Variants in HLA-DOA observed in about 807,000 individuals in gnomAD.
HLA-DOA encodes major histocompatibility complex, class II, DO alpha, also known as HLA class II histocompatibility antigen, DO alpha chain.
In HLA-DOA, 27 loss-of-function variants were observed where a neutral mutation model predicts 22.9. That is an observed-to-expected ratio of 1.18 (90% CI 0.87 to 1.62). HLA-DOA has a LOEUF of 1.62. Ranked by LOEUF, HLA-DOA falls within the 40% of genes most tolerant of loss-of-function variation. HLA-DOA has a pLI of 0.00. For synonymous variants in HLA-DOA, 137 were observed against 138.6 expected (o/e 0.99, Z 0.08); for missense variants, 324 against 332.4 (o/e 0.97, Z 0.20).
Position 33,006,489 on chromosome 6 carries a change from G to A in HLA-DOA, c.*349C>T. On this transcript the variant is annotated 3_prime_UTR_variant, in exon 5 of 5. Transcript: ENST00000229829. The stretch of plus-strand genomic sequence containing the variant: ...CAAGACACACCTGTGTGGGCCCCAG[G>A]ATGGCTGCCAATCCCCAGCACCACA... 4.0e-6 allele frequency: 2 copies of A among 505,908 alleles called. No homozygotes were observed. The highest frequency in any genetic ancestry group is 7.1e-6 in the Non-Finnish European group (2 of 280,002). The allele number at this position is 505,908 out of a possible 1,614,324, so 31.3% of individuals were successfully genotyped here.
At position 33,007,136 on chromosome 6, in the gene HLA-DOA, G is replaced by C; in HGVS notation, c.693C>G (p.Gly231=). The C allele has an allele frequency of 6.2e-7, 1 of 1,613,924 alleles. No homozygotes were observed. The highest frequency in any genetic ancestry group is 8.5e-7 in the Non-Finnish European group (1 of 1,180,030). ...CALGLAIGLV[G]FLVGTVLIIM... The stretch of plus-strand genomic sequence containing the variant: ...TGATGAGGACGGTGCCCACGAGGAA[G>C]CCCACCAGGCCGATGGCCAGGCCCA... The change falls in exon 4 of 5, where the codon GGC becomes GGG. Residue 231 remains glycine (G), a synonymous_variant. Transcript: ENST00000229829.
At chr6:33,007,881 G>C in intron 2 of HLA-DOA, 132 bp downstream of exon 2, 1 of 1,272,810 alleles carries the variant, frequency 7.9e-7, no homozygotes, top group Non-Finnish European at 1.1e-6. Flanking sequence ...GAGCCTCCTG[G>C]GAAAGAAAGG....
In HLA-DOA at chr6:33,008,206, G is replaced by A. The variant is rs777513080; in HGVS notation, c.138C>T (p.Gly46=). ...CCTCATCAAATTCATGGGTGAACTG[G>A]CCCGAGGCGCCGTAAGACTGGTAGA... is the stretch of plus-strand genomic sequence containing the variant. The part of the protein sequence containing the change: ...PAFYQSYGAS[G]QFTHEFDEEQ... The change falls in exon 2 of 5, where the codon GGC becomes GGT. Residue 46 remains glycine, a synonymous_variant. Transcript: ENST00000229829. The A allele has an allele frequency of 1.9e-6, 3 of 1,613,082 alleles. No individual in the cohort carries two copies. The highest frequency in any genetic ancestry group is 1.1e-5 in the South Asian group (1 of 91,086).
rs1336764914 is a variant in HLA-DOA, at chr6:33,009,487, A to G, written c.50T>C (p.Leu17Pro). The stretch of plus-strand genomic sequence containing the variant: ...GGCCCCTGCCTCCTGCGGGCTCAGG[A>G]GGGTCATCAGGGTGTGGAACCCCAG... ...LVLGFHTLMT[L>P]LSPQEAGATK... Residue 17 changes from leucine to proline, a missense_variant, in exon 1 of 5, where the codon CTC becomes CCC. By Grantham distance (98) the Leu-to-Pro change is moderately conservative. Transcript: ENST00000229829. The surrounding 1 kb of genome is among the most constrained non-coding windows in gnomAD (Gnocchi z 4.8). The G allele has an allele frequency of 1.9e-6, 3 of 1,605,908 alleles. No individual in the cohort carries two copies. The highest frequency in any genetic ancestry group is 2.2e-5 in the South Asian group (2 of 89,656).
rs1374574072 is a variant in HLA-DOA, at chr6:33,007,476, T to G, written c.448A>C (p.Asn150His). 1.9e-6 allele frequency: 3 copies of G among 1,612,624 alleles called. No homozygotes were observed. Among genetic ancestry groups the G allele is most frequent in the Non-Finnish European group, 2.5e-6 (3 of 1,179,824 alleles). Residue 150 changes from asparagine (N) to histidine (H), a missense_variant, in exon 3 of 5, where the codon AAC becomes CAC. Coordinates refer to ENST00000229829, the MANE Select transcript of HLA-DOA (RefSeq NM_002119.4). Reference sequence around the variant, plus strand: ...ACTCCCTCAGTGACAGTTTGGCCGTTGCGCAGCCAGGTGATATTGATCACA... The same window carrying G: ...ACTCCCTCAGTGACAGTTTGGCCGTGGCGCAGCCAGGTGATATTGATCACA... ...PPVINITWLR[N>H]GQTVTEGVAQ... is the part of the protein sequence containing the mutation.
chr6:33,008,593 T>G (rs1297099076), intron 1 of HLA-DOA, among the ~76,000 whole-genome samples: 1 of 152,086 alleles, frequency 6.6e-6, no homozygotes, highest in Admixed American at 6.6e-5. Flanking sequence ...TCAGGCCCTG[T>G]GTTGTGAGCT....
Position 33,007,546 on chromosome 6 carries a change from G to A in HLA-DOA, c.378C>T (p.Gly126=). The change falls in exon 3 of 5, where the codon GGC becomes GGT. Residue 126 remains glycine, a synonymous_variant. Transcript: ENST00000229829. ...CGATGCAGATGAGGATGTTGGGCTG[G>A]CCCAGCTCCACCCGAGACTTGGGGA... The part of the protein sequence containing the change: ...TVLPKSRVEL[G]QPNILICIVD... 6.2e-7 allele frequency: 1 copy of A among 1,612,928 alleles called. No homozygotes were observed. Among genetic ancestry groups the A allele is most frequent in the South Asian group, 1.1e-5 (1 of 91,070 alleles).
At position 33,009,373 on chromosome 6, in the gene HLA-DOA, G is replaced by T; in HGVS notation, c.82+82C>A. 1 of 955,134 alleles carries T rather than the reference G, an allele frequency of 1.0e-6. No individual in the cohort carries two copies. The highest frequency in any genetic ancestry group is 1.5e-6 in the Non-Finnish European group (1 of 665,986). The allele number at this position is 955,134 out of a possible 1,614,324, so 59.2% of individuals were successfully genotyped here. ...ATAAACCAGAGAGCGAGAGGAACAA[G>T]CATCCTCCATGCCACCTCCTCATGT... On this transcript the variant is annotated intron_variant, in intron 1 of 4. Coordinates refer to ENST00000229829, the MANE Select transcript of HLA-DOA (RefSeq NM_002119.4). This position sits in a 1 kb window ranked among gnomAD's most constrained non-coding sequence, Gnocchi z 4.8.
chr6:33,009,583 G>T lies in HLA-DOA; in HGVS notation c.-47C>A. ...AATCAGTCTCAGTCCGTGTGGTGAG[G>T]ACAGGAACAAGGCGGAGGTAAAGAA... On this transcript the variant is annotated 5_prime_UTR_variant, in exon 1 of 5. Coordinates refer to ENST00000229829, the MANE Select transcript of HLA-DOA (RefSeq NM_002119.4). The surrounding 1 kb of genome is among the most constrained non-coding windows in gnomAD (Gnocchi z 4.8). The T allele has an allele frequency of 7.0e-7, 1 of 1,425,714 alleles. No individual in the cohort carries two copies. The highest frequency in any genetic ancestry group is 9.5e-7 in the Non-Finnish European group (1 of 1,052,620). 88.3% of individuals were successfully genotyped at this position (1,425,714 alleles called of 1,614,324 possible). A position where few individuals can be genotyped will look rare whatever the true frequency, so the allele number is the denominator to read the frequency against.
At chr6:33,008,901 TTAAG>T (rs778836491) in intron 1 of HLA-DOA, among the ~76,000 whole-genome samples, 25 of 152,238 alleles carry the variant, frequency 1.6e-4, no homozygotes, top group Non-Finnish European at 3.1e-4. Flanking sequence ...AAGTTAGGGA[TTAAG>T]TTTTAATTCT....
At chr6:33,006,970 T>C (rs1780834362) in intron 4 of HLA-DOA, 110 bp downstream of exon 4, 1 of 1,503,384 alleles carries the variant, frequency 6.7e-7, no homozygotes, top group Non-Finnish European at 9.2e-7. Flanking sequence ...CCCTGCCCAT[T>C]TCTTTTCTGA....
rs770125285 is a variant in HLA-DOA at position 33,007,314 on chromosome 6, A to G, written c.610T>C (p.Trp204Arg). ...WGLDAPLLRH[W>R]ELQVPIPPPD... Reference sequence around the variant, plus strand: ...GCATGGGGAGGGGGCTCCGTACCCCAATGCCTGAGGAGTGGCGCATCCAGG... The same window carrying G: ...GCATGGGGAGGGGGCTCCGTACCCCGATGCCTGAGGAGTGGCGCATCCAGG... The change falls in exon 3 of 5, where the codon TGG (tryptophan) becomes CGG (arginine). Residue 204 changes from tryptophan (W) to arginine (R), a missense_variant. Trp to Arg is a moderately radical substitution (Grantham distance 101). Transcript: ENST00000229829. 1.2e-6 allele frequency: 2 copies of G among 1,612,916 alleles called. No homozygotes were observed. Among genetic ancestry groups the G allele is most frequent in the Non-Finnish European group, 1.7e-6 (2 of 1,179,926 alleles).
chr6:33,008,427 G>A, intron 1 of HLA-DOA, 166 bp from the exon 2 acceptor site: 1 of 1,431,880 alleles, frequency 7.0e-7, no homozygotes, highest in Non-Finnish European at 9.1e-7. Context: ...AAGGGAGAGA[G>A]AACAGGAAGA....
chr6:33,007,184 G>T lies in HLA-DOA; in HGVS notation c.645C>A (p.Ala215=), dbSNP rs1480217069. The T allele has an allele frequency of 6.2e-7, 1 of 1,613,872 alleles. No homozygotes were observed. ...CCAGGGCACAGACCAGGGTCTCCATGGCATCTGGTGGTGGAATAGGCACCT... is the reference window on the plus strand; with the variant it reads ...CCAGGGCACAGACCAGGGTCTCCATTGCATCTGGTGGTGGAATAGGCACCT... ...ELQVPIPPPD[A]METLVCALGL... The change falls in exon 4 of 5, where the codon GCC becomes GCA. Residue 215 remains alanine, a synonymous_variant. Coordinates refer to ENST00000229829, the MANE Select transcript of HLA-DOA (RefSeq NM_002119.4).
At position 33,007,956 on chromosome 6, in the gene HLA-DOA, G is replaced by A; in HGVS notation, c.331+57C>T. The A allele has an allele frequency of 2.6e-6, 4 of 1,563,072 alleles. No individual in the cohort carries two copies. The South Asian group carries it at 3.6e-5, about 14-fold the overall frequency. On this transcript the variant is annotated intron_variant, in intron 2 of 4. Transcript: ENST00000229829. ...AGAGTGATGGGAGCCTAGGAACTGG[G>A]AGGAAGTTTCTCTGGACCTTCCCGC... is the stretch of plus-strand genomic sequence containing the variant.
chr6:33,007,441 G>T lies in HLA-DOA; in HGVS notation c.483C>A (p.Thr161=). The T allele has an allele frequency of 6.2e-7, 1 of 1,610,696 alleles. No individual in the cohort carries two copies. The highest frequency in any genetic ancestry group is 8.5e-7 in the Non-Finnish European group (1 of 1,178,812). The change falls in exon 3 of 5, where the codon ACC becomes ACA. Residue 161 remains threonine, a synonymous_variant. Coordinates refer to ENST00000229829, the MANE Select transcript of HLA-DOA (RefSeq NM_002119.4). ...GQTVTEGVAQ[T]SFYSQPDHLF... ...AATGGTCAGGCTGGGAATAGAAGCT[G>T]GTCTGGGCCACTCCCTCAGTGACAG...
intron 3 of HLA-DOA, 29 bp downstream of exon 3, chr6:33,007,282 G>C: frequency 6.2e-7 from 1 of 1,613,238 alleles, no homozygotes; most frequent in Non-Finnish European, 8.5e-7. Flanking sequence ...CCTGGGGCCA[G>C]GAGGGTGCAT....
Position 33,006,707 on chromosome 6 carries a change from G to A in HLA-DOA, c.*131C>T. The A allele has an allele frequency of 1.4e-6, 2 of 1,450,650 alleles. No individual in the cohort carries two copies. The highest frequency in any genetic ancestry group is 1.9e-6 in the Non-Finnish European group (2 of 1,033,436). The allele number at this position is 1,450,650 out of a possible 1,614,324, so 89.9% of individuals were successfully genotyped here. A position where few individuals can be genotyped will look rare whatever the true frequency, so the allele number is the denominator to read the frequency against. ...GGGCCAAAAAAGAGGGGACCCGTAG[G>A]ACAGATGTTGATCCCACTCAAAGTC... On this transcript the variant is annotated 3_prime_UTR_variant, in exon 5 of 5. Transcript: ENST00000229829.
In HLA-DOA at chr6:33,008,098, C is replaced by T. The variant is rs550573091; in HGVS notation, c.246G>A (p.Pro82=). Residue 82 remains proline (P), a synonymous_variant, in exon 2 of 5, where the codon CCG becomes CCA. Transcript: ENST00000229829. The part of the protein sequence containing the change: ...PEFGDFARFD[P]QGGLAGIAAI... ...CGGCGATGCCGGCCAGCCCGCCCTG[C>T]GGGTCAAAGCGGGCAAAGTCACCAA... 11 of 1,613,016 alleles carry T rather than the reference C, an allele frequency of 6.8e-6. No homozygotes were observed. In the African/African-American group the frequency reaches 9.3e-5, roughly 14 times the overall value.
Sources: gnomAD v4.1 joint callset for allele counts (sites outside exome capture counted in the v4.1 genomes callset) on GRCh38, gnomAD v4.1.1 for gene constraint, Gnocchi (gnomAD v3.1) non-coding constraint, MANE v1.5 for transcripts, NCBI Gene and HGNC (gene_info 2026-07-23, HGNC 2026-07-21) for gene names.